The following PIH1D2 variants were observed in gnomAD, a reference collection of about 807,000 sequenced individuals.
The protein encoded by PIH1D2 is PIH1 domain containing 2, also known as PIH1 domain-containing protein 2.
A neutral mutation model predicts 31.2 loss-of-function variants in PIH1D2; 25 were observed. The ratio of observed to expected loss-of-function variants is 0.80; its 90% confidence interval spans 0.58 to 1.12. The LOEUF (loss-of-function observed/expected upper bound fraction) is 1.12, where lower values mean the gene tolerates loss of function less well. Ranked by LOEUF, PIH1D2 falls within the 50% of genes most tolerant of loss-of-function variation. PIH1D2 has a pLI of 0.00. For synonymous variants in PIH1D2, 116 were observed against 119.9 expected (o/e 0.97, Z 0.21); for missense variants, 310 against 356.6 (o/e 0.87, Z 1.05).
the PIH1D2 span, among the ~76,000 whole-genome samples, chr11:112,055,368 C>T: frequency 2.0e-4 from 31 of 151,600 alleles, no homozygotes; most frequent in East Asian, 3.3e-3. Context: ...CTCAGCCTCC[C>T]GAGTAGCTGG....
chr11:112,071,107 G>A lies in PIH1D2; in HGVS notation c.478C>T (p.Gln160Ter). 1 of 1,613,514 alleles carries A rather than the reference G, an allele frequency of 6.2e-7. No individual in the cohort carries two copies. The highest frequency in any genetic ancestry group is 8.5e-7 in the Non-Finnish European group (1 of 1,179,726). ...ITKFRIKGSIQRMKQNLMGIQ... is the reference protein window; with the variant it reads ...ITKFRIKGSI The stretch of plus-strand genomic sequence containing the variant: ...CCCATCAGATTTTGTTTCATTCTTT[G>A]AATGCTTCCTTTTATTCTAAATTTG... The change falls in exon 4 of 6, where the codon CAA becomes TAA. Residue 160 changes from glutamine to a stop codon, truncating the protein, a stop_gained. Coordinates refer to ENST00000280350, the MANE Select transcript of PIH1D2 (RefSeq NM_138789.4). LOFTEE classifies it high-confidence loss of function.
chr11:112,055,347 C>T, the PIH1D2 span, among the ~76,000 whole-genome samples: 23 of 149,774 alleles, frequency 1.5e-4, no homozygotes, highest in South Asian at 4.3e-4. Flanking sequence ...GGGTTCATGC[C>T]GTTCTCCTGC....
downstream of PIH1D2, among the ~76,000 whole-genome samples, chr11:112,066,896 C>T (rs1015180996): frequency 1.3e-5 from 2 of 152,046 alleles, no homozygotes; most frequent in Admixed American, 1.3e-4. Context: ...AACCCTTTCT[C>T]TACTAAAAAT....
rs782131649 is a variant in PIH1D2 at position 112,072,978 on chromosome 11, C to T, written c.177+20G>A. 6 of 1,577,670 alleles carry T rather than the reference C, an allele frequency of 3.8e-6. No homozygotes were observed. The African/African-American group carries it at 8.1e-5, about 21-fold the overall frequency. Reference sequence around the variant, plus strand: ...CATTTCATTCAAGACCTCCCCATCCCTGGCACCAACTCGACATACCAGAAT... The same window carrying T: ...CATTTCATTCAAGACCTCCCCATCCTTGGCACCAACTCGACATACCAGAAT... On this transcript the variant is annotated intron_variant, in intron 2 of 5. Transcript: ENST00000280350.
chr11:112,069,085 G>A (rs1326147621), intron 5 of PIH1D2, among the ~76,000 whole-genome samples: 2 of 141,380 alleles, frequency 1.4e-5, no homozygotes, highest in African/African-American at 2.6e-5. Context: ...TGCAACTTCC[G>A]CCTCCCGGGT....
At chr11:112,058,635 GAA>G (rs1673247461), downstream of PIH1D2, among the ~76,000 whole-genome samples, 1 of 122,144 alleles carries the variant, frequency 8.2e-6, no homozygotes, top group Admixed American at 8.2e-5. Flanking sequence ...TGGGGGGGGG[GAA>G]TCACCTTTTT....
At chr11:112,058,619 G>GA (rs1326335284), downstream of PIH1D2, among the ~76,000 whole-genome samples, 1 of 130,266 alleles carries the variant, frequency 7.7e-6, no homozygotes, top group Non-Finnish European at 1.6e-5. Flanking sequence ...TGGGGGAAGG[G>GA]GGGGGTGGGG....
At chr11:112,052,974 CAG>C in the PIH1D2 span, among the ~76,000 whole-genome samples, 1 of 152,072 alleles carries the variant, frequency 6.6e-6, no homozygotes, top group Non-Finnish European at 1.5e-5. Context: ...GGCTCTATGA[CAG>C]GAACTGGCAA....
At chr11:112,061,952 A>T (rs191621037), downstream of PIH1D2, among the ~76,000 whole-genome samples, 458 of 152,234 alleles carry the variant, frequency 3.0e-3, 4 homozygotes, top group Non-Finnish European at 5.6e-3. Flanking sequence ...TATATATATA[A>T]AAAATACGAA....
chr11:112,062,578 A>C, downstream of PIH1D2: 1 of 1,600,556 alleles, frequency 6.2e-7, no homozygotes, highest in Non-Finnish European at 8.5e-7. Context: ...ACACTGATTC[A>C]TTCTTAACAA....
chr11:112,072,868 AC>A (rs1865176711), intron 2 of PIH1D2, 129 bp downstream of exon 2: 2 of 962,222 alleles, frequency 2.1e-6, no homozygotes, highest in Admixed American at 3.1e-5. Context: ...GTCTCAAAAA[AC>A]AAAACAAAAC....
At chr11:112,071,557 G>T in intron 3 of PIH1D2, 78 bp downstream of exon 3, 1 of 1,493,610 alleles carries the variant, frequency 6.7e-7, no homozygotes, top group Non-Finnish European at 9.2e-7. Context: ...AGTTTTACTT[G>T]AAATGCTCTC....
chr11:112,073,253 G>A (rs77277636), intron 1 of PIH1D2, 48 bp from the exon 2 acceptor site: 73,488 of 1,315,940 alleles, frequency 0.056, 2,457 homozygotes, highest in Middle Eastern at 0.11. Context: ...TGTAATTATT[G>A]ATTCATTTCT....
intron 5 of PIH1D2, chr11:112,070,123 A>G (rs1231557584): frequency 1.6e-5 from 8 of 515,390 alleles, no homozygotes; most frequent in Non-Finnish European, 2.4e-5. Context: ...TGTGACTGTG[A>G]GAATACACTT....
At chr11:112,061,329 T>C, downstream of PIH1D2, 1 of 749,616 alleles carries the variant, frequency 1.3e-6, no homozygotes, top group Non-Finnish European at 2.3e-6. Context: ...AATATTTGCA[T>C]ATAACCTACA....
chr11:112,068,026 GATTT>G (rs1566651998), intron 5 of PIH1D2, 21 bp from the exon 6 acceptor site: 4 of 1,484,580 alleles, frequency 2.7e-6, no homozygotes, highest in Non-Finnish European at 3.7e-6. Context: ...TAAACCAAGA[GATTT>G]ATTTCCTGCT....
downstream of PIH1D2, chr11:112,062,669 T>C (rs1864710962): frequency 9.5e-7 from 1 of 1,056,798 alleles, no homozygotes; most frequent in Non-Finnish European, 1.4e-6. Context: ...AGATAAGTTA[T>C]TTATAATGGG....
downstream of PIH1D2, among the ~76,000 whole-genome samples, chr11:112,066,490 T>C (rs1864931277): frequency 6.6e-6 from 1 of 151,742 alleles, no homozygotes; most frequent in Non-Finnish European, 1.5e-5. Context: ...ATACAAAAAT[T>C]AGCTAGGGGC....
intron 5 of PIH1D2, among the ~76,000 whole-genome samples, chr11:112,069,293 C>T (rs1258116107): frequency 5.3e-5 from 8 of 151,998 alleles, no homozygotes; most frequent in Admixed American, 6.6e-5. Flanking sequence ...CATGAGTCAC[C>T]GTACCCAGCC....
Sources: allele counts gnomAD v4.1 joint callset (sites outside exome capture counted in the v4.1 genomes callset), GRCh38; gene constraint gnomAD v4.1.1; transcripts MANE v1.5; gene names NCBI Gene and HGNC (gene_info 2026-07-23, HGNC 2026-07-21).